NKAIN2: variants seen among roughly 807,000 people sequenced by gnomAD.
NKAIN2 encodes sodium/potassium transporting ATPase interacting 2, also known as sodium/potassium-transporting ATPase subunit beta-1-interacting protein 2.
NKAIN2 carries 14 observed loss-of-function variants against 32.6 expected under a neutral mutation model. That is an observed-to-expected ratio of 0.43 (90% CI 0.28 to 0.67). The LOEUF (loss-of-function observed/expected upper bound fraction) is 0.67, where lower values mean the gene tolerates loss of function less well. NKAIN2 is among the 30% of genes least tolerant of loss of function. The pLI, the probability that NKAIN2 is intolerant of heterozygous loss-of-function variation, is 0.17. For synonymous variants in NKAIN2, 80 were observed against 87.2 expected (o/e 0.92, Z 0.46); for missense variants, 198 against 258.3 (o/e 0.77, Z 1.60).
intron 1 of NKAIN2, among the ~76,000 whole-genome samples, chr6:124,263,139 C>A (rs1369107598): frequency 6.6e-6 from 1 of 152,080 alleles, no homozygotes; most frequent in Non-Finnish European, 1.5e-5. Flanking sequence ...ACTAAGGCTT[C>A]TAGGGTTTAA....
chr6:124,283,012 T>C lies in NKAIN2; in HGVS notation c.62T>C (p.Val21Ala), dbSNP rs150356557. The C allele has an allele frequency of 1.2e-6, 2 of 1,613,854 alleles. No homozygotes were observed. Among genetic ancestry groups the C allele is most frequent in the African/African-American group, 2.7e-5 (2 of 74,930 alleles). Residue 21 changes from valine (V) to alanine (A), a missense_variant, in exon 2 of 7, where the codon GTG (valine) becomes GCG (alanine). Physicochemically the swap from Val to Ala is moderately conservative, Grantham distance 64. Coordinates refer to ENST00000368417, the MANE Select transcript of NKAIN2 (RefSeq NM_001040214.3). ...CCTGTTTTGCTATTCTAGGTTTGTG[T>C]GCTGGAGAGGCAAATATTTGACTTC... ...IFICGMQLVC[V>A]LERQIFDFLG...
At chr6:124,136,463 T>A (rs1418154525) in intron 1 of NKAIN2, among the ~76,000 whole-genome samples, 1 of 152,014 alleles carries the variant, frequency 6.6e-6, no homozygotes, top group African/African-American at 2.4e-5. Flanking sequence ...CTGAAACTAT[T>A]CCAAAAGATG....
chr6:124,204,127 C>A (rs955911560), intron 1 of NKAIN2, among the ~76,000 whole-genome samples: 1 of 151,810 alleles, frequency 6.6e-6, no homozygotes, highest in Non-Finnish European at 1.5e-5. Context: ...TAAACTATAG[C>A]CTTCAACAAT....
chr6:124,094,429 G>A (rs1784564981), intron 1 of NKAIN2, among the ~76,000 whole-genome samples: 1 of 152,080 alleles, frequency 6.6e-6, no homozygotes, highest in Non-Finnish European at 1.5e-5. Context: ...TTACTCCTCA[G>A]AAATTGTGTC....
intron 1 of NKAIN2, among the ~76,000 whole-genome samples, chr6:123,886,271 AAAG>A (rs1003376528): frequency 6.6e-5 from 10 of 152,110 alleles, no homozygotes; most frequent in Admixed American, 1.3e-4. Flanking sequence ...TATAAATAAA[AAAG>A]AAGAAATACA....
At chr6:124,120,319 C>T (rs1170325153) in intron 1 of NKAIN2, among the ~76,000 whole-genome samples, 2 of 151,976 alleles carry the variant, frequency 1.3e-5, no homozygotes, top group South Asian at 2.1e-4. Context: ...AATAAACATC[C>T]CAGATATATT....
At chr6:124,399,959 C>T (rs913029076) in intron 3 of NKAIN2, among the ~76,000 whole-genome samples, 1 of 152,098 alleles carries the variant, frequency 6.6e-6, no homozygotes, top group African/African-American at 2.4e-5. Flanking sequence ...GATGTTTTTA[C>T]AGGAGCTTTA....
intron 1 of NKAIN2, among the ~76,000 whole-genome samples, chr6:124,223,192 G>C (rs986902094): frequency 8.1e-6 from 1 of 122,886 alleles, no homozygotes; most frequent in Non-Finnish European, 1.6e-5. Context: ...CAGCCTGGGC[G>C]ACAGTGTGAG....
chr6:124,610,316 C>T (rs539665290), intron 3 of NKAIN2, among the ~76,000 whole-genome samples: 3 of 152,094 alleles, frequency 2.0e-5, no homozygotes, highest in Non-Finnish European at 4.4e-5. Flanking sequence ...AACACATAAC[C>T]GTCAGTCAAA....
At chr6:124,567,736 C>A (rs1014022377) in intron 3 of NKAIN2, among the ~76,000 whole-genome samples, 1 of 152,190 alleles carries the variant, frequency 6.6e-6, no homozygotes, top group Non-Finnish European at 1.5e-5. Context: ...GGTTTTAATT[C>A]AGAAAGTAAA....
chr6:124,427,810 C>A (rs1041302642), intron 3 of NKAIN2, among the ~76,000 whole-genome samples: 2 of 152,130 alleles, frequency 1.3e-5, no homozygotes, highest in Non-Finnish European at 2.9e-5. Flanking sequence ...AAGTCTATTT[C>A]TTCTTTCAGT....
chr6:124,024,240 C>T (rs1480321447), intron 1 of NKAIN2, among the ~76,000 whole-genome samples: 1 of 152,036 alleles, frequency 6.6e-6, no homozygotes, highest in Non-Finnish European at 1.5e-5. Context: ...AAATGATGAA[C>T]ACATATACCT....
intron 3 of NKAIN2, among the ~76,000 whole-genome samples, chr6:124,473,889 G>T (rs1036289649): frequency 6.6e-6 from 1 of 152,168 alleles, no homozygotes; most frequent in Non-Finnish European, 1.5e-5. Flanking sequence ...CCTCAAGACA[G>T]TGTGCAAACA....
intron 5 of NKAIN2, among the ~76,000 whole-genome samples, chr6:124,792,908 G>A (rs1182937346): frequency 6.6e-6 from 1 of 152,024 alleles, no homozygotes; most frequent in Non-Finnish European, 1.5e-5. Context: ...AATCACAGAT[G>A]AAAGAGCAGG....
intron 1 of NKAIN2, among the ~76,000 whole-genome samples, chr6:123,889,501 C>T (rs1489584995): frequency 1.3e-5 from 2 of 152,118 alleles, no homozygotes; most frequent in Non-Finnish European, 2.9e-5. Flanking sequence ...GACAGGCTGA[C>T]TCCATGTGAA....
At chr6:124,026,986 A>T (rs955547520) in intron 1 of NKAIN2, among the ~76,000 whole-genome samples, 1 of 151,138 alleles carries the variant, frequency 6.6e-6, no homozygotes, top group African/African-American at 2.4e-5. Flanking sequence ...TCTGCCTCAA[A>T]TTTTTTCTTC....
Position 123,960,168 on chromosome 6 carries a change from T to TA in NKAIN2, c.54+155922dup, listed in dbSNP as rs762434987. 1.2e-3 allele frequency among the ~76,000 whole-genome samples: 185 copies of TA among 152,132 alleles called. 3 individuals are homozygous for TA. The highest frequency in any genetic ancestry group is 2.9e-3 in the Admixed American group (44 of 15,270). On this transcript the variant is annotated intron_variant, in intron 1 of 6. Transcript: ENST00000368417. ...AATATTGGCATCTAGTTCTACTTTC[T>TA]AAAAAAAATTGCCAGCCAACACTGT...
At chr6:124,068,824 A>G (rs1181003810) in intron 1 of NKAIN2, among the ~76,000 whole-genome samples, 1 of 152,090 alleles carries the variant, frequency 6.6e-6, no homozygotes, top group East Asian at 1.9e-4. Flanking sequence ...ATGCCTGGAA[A>G]TCCAGCGATA....
intron 4 of NKAIN2, among the ~76,000 whole-genome samples, chr6:124,760,355 CG>C (rs1778204198): frequency 1.0e-5 from 1 of 99,722 alleles, no homozygotes; most frequent in Non-Finnish European, 1.8e-5. Flanking sequence ...GCCCGCCCCC[CG>C]CCCCACCTAC....
Sources: gnomAD v4.1 joint callset for allele counts (sites outside exome capture counted in the v4.1 genomes callset) on GRCh38, gnomAD v4.1.1 for gene constraint, MANE v1.5 for transcripts, NCBI Gene and HGNC (gene_info 2026-07-23, HGNC 2026-07-21) for gene names.